The following GRIN2A variants were observed in gnomAD, a reference collection of about 807,000 sequenced individuals.
The protein encoded by GRIN2A is glutamate ionotropic receptor NMDA type subunit 2A, also known as glutamate receptor ionotropic, NMDA 2A.
A neutral mutation model predicts 113.4 loss-of-function variants in GRIN2A; 22 were observed. That is an observed-to-expected ratio of 0.19 (90% CI 0.14 to 0.28). The LOEUF (loss-of-function observed/expected upper bound fraction) is 0.28, where lower values mean the gene tolerates loss of function less well. Ranked by LOEUF, GRIN2A falls within the 10% of genes least tolerant of loss-of-function variation. The pLI is 1.00. For synonymous variants in GRIN2A, 827 were observed against 738.4 expected, an observed-to-expected ratio of 1.12 and a Z score of -1.94; for missense variants, 1,502 against 1,887.0, an observed-to-expected ratio of 0.80 and a Z score of 3.78.
rs1303790765 is a variant in GRIN2A at position 10,078,354 on chromosome 16, T to A, written c.414+101644A>T. Among the ~76,000 whole-genome samples the A allele has an allele frequency of 2.6e-5, 4 of 151,556 alleles. No homozygotes were observed. In the East Asian group the frequency reaches 5.9e-4, roughly 22 times the overall value. The stretch of plus-strand genomic sequence containing the variant: ...GTGACCACACTCTCGGTGGGTATAA[T>A]GCCCACTTCACAGGTGGACAAAGTG... On this transcript the variant is annotated intron_variant, in intron 2 of 12. Transcript: ENST00000330684.
chr16:9,851,352 C>T (rs766453986), intron 4 of GRIN2A, among the ~76,000 whole-genome samples: 1 of 152,112 alleles, frequency 6.6e-6, no homozygotes, highest in Non-Finnish European at 1.5e-5. Flanking sequence ...CATTTATTCA[C>T]GCTATGATAT....
chr16:9,778,439 T>C (rs1409141669), intron 11 of GRIN2A, among the ~76,000 whole-genome samples: 6 of 152,244 alleles, frequency 3.9e-5, no homozygotes, highest in African/African-American at 1.2e-4. Flanking sequence ...TCTCAATCAA[T>C]AGTCCTCAAA....
At chr16:9,817,314 G>A (rs997542627) in intron 10 of GRIN2A, among the ~76,000 whole-genome samples, 1 of 152,136 alleles carries the variant, frequency 6.6e-6, no homozygotes, top group Non-Finnish European at 1.5e-5. Context: ...CGTGCTGCGG[G>A]GAATGATGCT....
At chr16:9,854,724 T>G (rs76233892) in intron 4 of GRIN2A, among the ~76,000 whole-genome samples, 513 of 152,258 alleles carry the variant, frequency 3.4e-3, no homozygotes, top group African/African-American at 0.011. Flanking sequence ...TAGATCAGCA[T>G]TCCTGACTCA....
intron 7 of GRIN2A, 49 bp from the exon 8 acceptor site, chr16:9,834,279 C>G: frequency 6.2e-7 from 1 of 1,603,480 alleles, no homozygotes; most frequent in Non-Finnish European, 8.5e-7. Context: ...TTATCTCTTC[C>G]TCACTTCCAG....
intron 2 of GRIN2A, chr16:10,031,445 C>A (rs1992893): frequency 0.55 from 84,284 of 152,138 alleles, 24,243 homozygotes; most frequent in East Asian, 0.91. Context: ...CTGCTTCCTG[C>A]CACATTCATT....
chr16:10,039,965 A>ATACGCT (rs2047122671), intron 2 of GRIN2A, among the ~76,000 whole-genome samples: 1 of 11,422 alleles, frequency 8.8e-5, no homozygotes, highest in Non-Finnish European at 2.4e-4. Context: ...AACCCACAAA[A>ATACGCT]ACACACAATA....
chr16:10,180,982 G>A lies in GRIN2A; in HGVS notation c.-18-553C>T, dbSNP rs562043664. Among the ~76,000 whole-genome samples the A allele has an allele frequency of 1.1e-4, 16 of 152,196 alleles. No homozygotes were observed. In the East Asian group the frequency reaches 3.1e-3, roughly 29 times the overall value. The stretch of plus-strand genomic sequence containing the variant: ...CTAGTTGGCTGACCCCGCCCCCTAC[G>A]AGCCCGTCGTGTGCACCACACACTT... On this transcript the variant is annotated intron_variant, in intron 1 of 12. Coordinates refer to ENST00000330684, the MANE Select transcript of GRIN2A (RefSeq NM_001134407.3). The surrounding 1 kb of genome is among the most constrained non-coding windows in gnomAD (Gnocchi z 7.0).
intron 11 of GRIN2A, among the ~76,000 whole-genome samples, chr16:9,773,016 G>A (rs185439497): frequency 2.0e-5 from 3 of 149,918 alleles, no homozygotes; most frequent in East Asian, 2.0e-4. Context: ...TTCCTGCCTC[G>A]TGGCCCTCTT....
chr16:10,149,212 G>A (rs2049512313), intron 2 of GRIN2A, among the ~76,000 whole-genome samples: 1 of 152,190 alleles, frequency 6.6e-6, no homozygotes, highest in East Asian at 1.9e-4. Context: ...TTTTAAGTAA[G>A]TAAAAGAGTA....
chr16:9,959,098 T>C (rs767398505), intron 2 of GRIN2A, among the ~76,000 whole-genome samples: 1 of 152,116 alleles, frequency 6.6e-6, no homozygotes, highest in African/African-American at 2.4e-5. Context: ...TACCCCAGAA[T>C]ACCCCAGAAT....
intron 2 of GRIN2A, among the ~76,000 whole-genome samples, chr16:10,153,406 C>T (rs755775273): frequency 3.9e-5 from 6 of 152,124 alleles, no homozygotes; most frequent in Non-Finnish European, 8.8e-5. Context: ...GGGATATGCT[C>T]CTGCCCAGGT....
chr16:9,957,822 C>T (rs2045341249), intron 2 of GRIN2A, among the ~76,000 whole-genome samples: 1 of 152,142 alleles, frequency 6.6e-6, no homozygotes, highest in Admixed American at 6.5e-5. Flanking sequence ...GAGAACTCTT[C>T]TATAGACTTG....
chr16:10,041,179 G>A (rs897493765), intron 2 of GRIN2A, among the ~76,000 whole-genome samples: 1 of 152,206 alleles, frequency 6.6e-6, no homozygotes, highest in Non-Finnish European at 1.5e-5. Context: ...CTTCTTCCAT[G>A]AGACCTTCCC....
chr16:10,149,233 G>C (rs971807630), intron 2 of GRIN2A, among the ~76,000 whole-genome samples: 25 of 152,320 alleles, frequency 1.6e-4, no homozygotes, highest in African/African-American at 5.8e-4. Flanking sequence ...TAATTGGATT[G>C]TTTGTCACAC....
At chr16:9,779,638 G>T (rs897335831) in intron 11 of GRIN2A, among the ~76,000 whole-genome samples, 1 of 152,324 alleles carries the variant, frequency 6.6e-6, no homozygotes, top group South Asian at 2.1e-4. Context: ...AGAACCATCC[G>T]TAACTAAAGC....
At chr16:10,156,758 A>T (rs1237973007) in intron 2 of GRIN2A, among the ~76,000 whole-genome samples, 2 of 152,228 alleles carry the variant, frequency 1.3e-5, no homozygotes, top group African/African-American at 4.8e-5. Context: ...CATGTTTCAC[A>T]CTTGTATTTC....
At chr16:10,171,627 C>T (rs2050044067) in intron 2 of GRIN2A, 1 of 152,194 alleles carries the variant, frequency 6.6e-6, no homozygotes, top group Non-Finnish European at 1.5e-5. Context: ...GGATTCACTC[C>T]CAGTTTCTTT....
intron 2 of GRIN2A, among the ~76,000 whole-genome samples, chr16:9,943,854 GA>G (rs1476666966): frequency 6.6e-6 from 1 of 152,178 alleles, no homozygotes; most frequent in African/African-American, 2.4e-5. Context: ...GATTGAAAGG[GA>G]ATCTCTGTGG....
Sources: allele counts gnomAD v4.1 joint callset (sites outside exome capture counted in the v4.1 genomes callset), GRCh38; gene constraint gnomAD v4.1.1; non-coding constraint Gnocchi (gnomAD v3.1); transcripts MANE v1.5; gene names NCBI Gene and HGNC (gene_info 2026-07-23, HGNC 2026-07-21).